The following PRKN variants were observed in gnomAD, a reference collection of about 807,000 sequenced individuals.
PRKN encodes E3 ubiquitin-protein ligase parkin.
Under a neutral mutation model 59.5 loss-of-function variants are expected in PRKN, and 56 were observed. That is an observed-to-expected ratio of 0.94 (90% CI 0.76 to 1.18). The LOEUF is 1.18. PRKN is among the 50% of genes most tolerant of loss of function. The pLI, the probability that PRKN is intolerant of heterozygous loss-of-function variation, is 0.00. For synonymous variants in PRKN, 250 were observed against 222.1 expected (o/e 1.13, Z -1.12); for missense variants, 657 against 596.4 (o/e 1.10, Z -1.06).
At chr6:162,451,904 T>C (rs527469698) in intron 1 of PRKN, among the ~76,000 whole-genome samples, 38 of 152,220 alleles carry the variant, frequency 2.5e-4, no homozygotes, top group Admixed American at 1.0e-3. Context: ...TCAAGCAGGA[T>C]AAATATGAAC....
intron 2 of PRKN, among the ~76,000 whole-genome samples, chr6:162,307,349 G>T (rs1782278553): frequency 6.6e-6 from 1 of 150,402 alleles, no homozygotes; most frequent in Non-Finnish European, 1.5e-5. Context: ...GCAGTGAACT[G>T]AGACCATGCC....
At chr6:162,337,338 T>C (rs1394562946) in intron 2 of PRKN, among the ~76,000 whole-genome samples, 1 of 152,216 alleles carries the variant, frequency 6.6e-6, no homozygotes, top group Non-Finnish European at 1.5e-5. Context: ...TGTTTTAATA[T>C]TTGCATAAAT....
chr6:161,780,285 C>T (rs754042876), intron 7 of PRKN, among the ~76,000 whole-genome samples: 4 of 152,142 alleles, frequency 2.6e-5, no homozygotes, highest in African/African-American at 4.8e-5. Flanking sequence ...AAATGGTTCA[C>T]TGGTTTATGG....
At chr6:162,638,592 C>T (rs907686723) in intron 1 of PRKN, among the ~76,000 whole-genome samples, 1 of 152,148 alleles carries the variant, frequency 6.6e-6, no homozygotes, top group Non-Finnish European at 1.5e-5. Flanking sequence ...GCCAAGTCAT[C>T]TAAAACACGC....
intron 9 of PRKN, among the ~76,000 whole-genome samples, chr6:161,474,315 T>A (rs916173128): frequency 4.6e-5 from 7 of 152,228 alleles, no homozygotes; most frequent in African/African-American, 1.7e-4. Context: ...CTTCATCTTG[T>A]CTTTCCTGCT....
chr6:162,571,935 A>C (rs905293514), intron 1 of PRKN, among the ~76,000 whole-genome samples: 3 of 152,204 alleles, frequency 2.0e-5, no homozygotes, highest in African/African-American at 7.2e-5. Flanking sequence ...AAGCAAGTAT[A>C]ATAAAGGTAC....
At chr6:161,944,678 T>A (rs1779716062) in intron 6 of PRKN, among the ~76,000 whole-genome samples, 1 of 152,194 alleles carries the variant, frequency 6.6e-6, no homozygotes. Flanking sequence ...TATTTTATTA[T>A]CTAAATAAAA....
At position 162,619,559 on chromosome 6, in the gene PRKN, C is replaced by A. The variant is rs546963163; in HGVS notation, c.7+108103G>T. 5.3e-5 allele frequency among the ~76,000 whole-genome samples: 8 copies of A among 152,202 alleles called. No homozygotes were observed. In the South Asian group the frequency reaches 1.0e-3, roughly 20 times the overall value. ...AGGAAAATTATGACTTTAACACATG[C>A]GTATTGGTGCCACTACCAGATTGCA... On this transcript the variant is annotated intron_variant, in intron 1 of 11. Coordinates refer to ENST00000366898, the MANE Select transcript of PRKN (RefSeq NM_004562.3).
At chr6:161,940,560 G>C (rs1452684137) in intron 6 of PRKN, among the ~76,000 whole-genome samples, 1 of 152,226 alleles carries the variant, frequency 6.6e-6, no homozygotes, top group Non-Finnish European at 1.5e-5. Context: ...TTTAGAACCA[G>C]AGGACATAAA....
At chr6:161,752,153 C>T (rs1448495861) in intron 7 of PRKN, among the ~76,000 whole-genome samples, 2 of 152,196 alleles carry the variant, frequency 1.3e-5, no homozygotes, top group East Asian at 1.9e-4. Context: ...GGGTGGATCA[C>T]GAGGTCAAGA....
chr6:161,377,564 T>A lies in PRKN; in HGVS notation c.1167+9230A>T, dbSNP rs1785774498. 6.6e-6 allele frequency among the ~76,000 whole-genome samples: 1 copy of A among 152,210 alleles called. No homozygotes were observed. Among genetic ancestry groups the A allele is most frequent in the Non-Finnish European group, 1.5e-5 (1 of 68,042 alleles). ...GAGTGGTGAGGGGAGACCCTGTCAA[T>A]AAGCAGAGCCTTGGGCAACGCAACT... On this transcript the variant is annotated intron_variant, in intron 10 of 11. Transcript: ENST00000366898. This position sits in a 1 kb window ranked among gnomAD's most constrained non-coding sequence, Gnocchi z 4.2.
intron 1 of PRKN, among the ~76,000 whole-genome samples, chr6:162,541,971 T>C (rs35100164): frequency 0.094 from 14,282 of 152,114 alleles, 772 homozygotes; most frequent in Middle Eastern, 0.18. Context: ...ATGATTCCTG[T>C]GCCCTTGGGT....
At chr6:162,293,177 G>A (rs995172216) in intron 2 of PRKN, among the ~76,000 whole-genome samples, 3 of 152,178 alleles carry the variant, frequency 2.0e-5, no homozygotes, top group Non-Finnish European at 4.4e-5. Context: ...CTTCAGTAGA[G>A]GCCAATAAGA....
chr6:162,694,475 T>C (rs1441995757), intron 1 of PRKN, among the ~76,000 whole-genome samples: 1 of 152,098 alleles, frequency 6.6e-6, no homozygotes, highest in African/African-American at 2.4e-5. Flanking sequence ...TTTGCACAGG[T>C]GCTCCTAGAG....
chr6:161,635,638 T>C (rs892016485), intron 7 of PRKN, among the ~76,000 whole-genome samples: 2 of 152,178 alleles, frequency 1.3e-5, no homozygotes, highest in South Asian at 2.1e-4. Context: ...GCTATCTTCA[T>C]TGGGTTTTAT....
chr6:161,789,833 C>A (rs181746385), intron 6 of PRKN, among the ~76,000 whole-genome samples: 1 of 152,074 alleles, frequency 6.6e-6, no homozygotes, highest in African/African-American at 2.4e-5. Flanking sequence ...ATTGATTATT[C>A]TAGTGGATAA....
At chr6:161,975,776 T>C (rs140092190) in intron 5 of PRKN, among the ~76,000 whole-genome samples, 1 of 152,188 alleles carries the variant, frequency 6.6e-6, no homozygotes, top group Admixed American at 6.5e-5. Flanking sequence ...GCTCCACCAA[T>C]GTCAGAGGCA....
At chr6:162,175,092 C>T (rs866751962) in intron 4 of PRKN, among the ~76,000 whole-genome samples, 10 of 152,134 alleles carry the variant, frequency 6.6e-5, no homozygotes, top group African/African-American at 1.7e-4. Context: ...GTTGATTAAT[C>T]GGTTACATTT....
intron 1 of PRKN, among the ~76,000 whole-genome samples, chr6:162,483,811 A>T (rs1225448710): frequency 1.3e-5 from 2 of 152,206 alleles, no homozygotes; most frequent in Admixed American, 6.5e-5. Flanking sequence ...ATGTAAGATG[A>T]TGTGTCTATA....
Sources: allele counts gnomAD v4.1 joint callset (sites outside exome capture counted in the v4.1 genomes callset), GRCh38; gene constraint gnomAD v4.1.1; non-coding constraint Gnocchi (gnomAD v3.1); transcripts MANE v1.5; gene names NCBI Gene and HGNC (gene_info 2026-07-23, HGNC 2026-07-21).